KAZN: variants seen among roughly 807,000 people sequenced by gnomAD.
KAZN encodes the protein kazrin.
Under a neutral mutation model 87.4 loss-of-function variants are expected in KAZN, and 40 were observed. That is an observed-to-expected ratio of 0.46 (90% CI 0.36 to 0.60). The LOEUF (loss-of-function observed/expected upper bound fraction) is 0.60, where lower values mean the gene tolerates loss of function less well. KAZN is among the 20% of genes least tolerant of loss of function. KAZN has a pLI of 0.00. For synonymous variants in KAZN, 466 were observed against 458.3 expected (o/e 1.02, Z -0.22); for missense variants, 898 against 1,073.9 (o/e 0.84, Z 2.29).
chr1:14,242,576 G>T (rs1186977095), intron 2 of KAZN, among the ~76,000 whole-genome samples: 1 of 152,194 alleles, frequency 6.6e-6, no homozygotes, highest in East Asian at 1.9e-4. Context: ...TATTTGGGTG[G>T]GGGGATAAGG....
intron 1 of KAZN, among the ~76,000 whole-genome samples, chr1:14,785,550 C>A (rs912992686): frequency 6.6e-6 from 1 of 152,138 alleles, no homozygotes; most frequent in African/African-American, 2.4e-5. Flanking sequence ...CCCCAGTGAC[C>A]TTCCTGCTCC....
At chr1:14,014,800 C>T (rs1640486937) in intron 1 of KAZN, among the ~76,000 whole-genome samples, 1 of 152,108 alleles carries the variant, frequency 6.6e-6, no homozygotes, top group Non-Finnish European at 1.5e-5. Context: ...AATAATAAGC[C>T]CCTGCACAAC....
chr1:14,493,424 T>A (rs1217676967), intron 2 of KAZN, among the ~76,000 whole-genome samples: 1 of 152,086 alleles, frequency 6.6e-6, no homozygotes, highest in East Asian at 1.9e-4. Flanking sequence ...GCTGCTCAGG[T>A]CCCATCCATT....
intron 8 of KAZN, among the ~76,000 whole-genome samples, chr1:15,089,831 T>C (rs1400739511): frequency 6.7e-6 from 1 of 148,712 alleles, no homozygotes; most frequent in African/African-American, 2.5e-5. Context: ...AGAGTTGGCA[T>C]CAGTTCATTG....
intron 4 of KAZN, among the ~76,000 whole-genome samples, chr1:15,054,273 A>G (rs531923506): frequency 1.3e-5 from 2 of 152,154 alleles, no homozygotes; most frequent in Admixed American, 6.5e-5. Flanking sequence ...TACCCCGGAA[A>G]CGTCCATGTT....
At chr1:14,895,553 C>G (rs1655174478) in intron 1 of KAZN, among the ~76,000 whole-genome samples, 1 of 152,188 alleles carries the variant, frequency 6.6e-6, no homozygotes, top group African/African-American at 2.4e-5. Flanking sequence ...CCAAGAAGAG[C>G]CAGGCCATGA....
intron 2 of KAZN, among the ~76,000 whole-genome samples, chr1:14,312,012 C>T (rs1655339364): frequency 1.3e-5 from 2 of 152,242 alleles, no homozygotes; most frequent in East Asian, 1.9e-4. Context: ...TGGATGCCTT[C>T]TGCTGGAGAA....
chr1:14,196,409 G>A (rs940841658), intron 2 of KAZN, among the ~76,000 whole-genome samples: 1 of 152,134 alleles, frequency 6.6e-6, no homozygotes, highest in Non-Finnish European at 1.5e-5. Flanking sequence ...AATGTTACTT[G>A]GACCATTACC....
At chr1:14,540,844 C>T (rs1254790617) in intron 2 of KAZN, among the ~76,000 whole-genome samples, 3 of 152,178 alleles carry the variant, frequency 2.0e-5, no homozygotes, top group Non-Finnish European at 1.5e-5. Context: ...TTCTGGGTCA[C>T]CATGTATTTA....
rs569387019 is a variant in KAZN, at chr1:15,096,398, A to C, written c.1547+1465A>C. 6.6e-6 allele frequency among the ~76,000 whole-genome samples: 1 copy of C among 152,320 alleles called. No individual in the cohort carries two copies. Among genetic ancestry groups the C allele is most frequent in the South Asian group, 2.1e-4 (1 of 4,830 alleles). On this transcript the variant is annotated intron_variant, in intron 10 of 14. Coordinates refer to ENST00000376030, the MANE Select transcript of KAZN (RefSeq NM_201628.3). The surrounding 1 kb of genome is among the most constrained non-coding windows in gnomAD (Gnocchi z 4.5). Reference sequence around the variant, plus strand: ...TAAAAGCCACTTTGATTTTGAAGAGAAGAAATGCATGGGGGGAGGACGTCC... The same window carrying C: ...TAAAAGCCACTTTGATTTTGAAGAGCAGAAATGCATGGGGGGAGGACGTCC...
At chr1:14,364,640 G>A (rs1255613707) in intron 2 of KAZN, among the ~76,000 whole-genome samples, 1 of 152,132 alleles carries the variant, frequency 6.6e-6, no homozygotes, top group Non-Finnish European at 1.5e-5. Flanking sequence ...TTTATTTCCT[G>A]GGGCTGCTAT....
At chr1:13,908,779 G>T (rs970524052) in intron 1 of KAZN, among the ~76,000 whole-genome samples, 1 of 152,198 alleles carries the variant, frequency 6.6e-6, no homozygotes, top group African/African-American at 2.4e-5. Context: ...GCCCGAGCTA[G>T]GATGCTGAGC....
chr1:13,931,689 G>A (rs906513196), intron 1 of KAZN, among the ~76,000 whole-genome samples: 3 of 152,148 alleles, frequency 2.0e-5, no homozygotes, highest in Non-Finnish European at 4.4e-5. Context: ...TCATGTGTGT[G>A]TGTGTATTTG....
chr1:14,610,824 C>A (rs1055616701), intron 1 of KAZN, among the ~76,000 whole-genome samples: 1 of 152,150 alleles, frequency 6.6e-6, no homozygotes, highest in Non-Finnish European at 1.5e-5. Context: ...TGCCTGATTT[C>A]TCTCTCTTTT....
rs543858772 is a variant in KAZN at position 14,592,792 on chromosome 1, C to A, written c.250-6191C>A. ...CCAGGGTCAAGAAGTTCATCACTCA[C>A]TGGCTTCCCTTTCAGCCTTCCCCCT... is the stretch of plus-strand genomic sequence containing the variant. On this transcript the variant is annotated intron_variant, in intron 2 of 16. Transcript: ENST00000636203. 2.0e-5 allele frequency among the ~76,000 whole-genome samples: 3 copies of A among 152,244 alleles called. No homozygotes were observed. In the South Asian group the frequency reaches 6.2e-4, roughly 31 times the overall value.
intron 2 of KAZN, among the ~76,000 whole-genome samples, chr1:14,310,576 C>T (rs1221916943): frequency 6.6e-6 from 1 of 152,130 alleles, no homozygotes; most frequent in African/African-American, 2.4e-5. Context: ...GGTGGGCCGA[C>T]GTATGTACCA....
chr1:14,087,517 C>T (rs1414783452), intron 1 of KAZN, among the ~76,000 whole-genome samples: 1 of 152,080 alleles, frequency 6.6e-6, no homozygotes. Context: ...AGGCAGTGAA[C>T]ATCTTCACCT....
chr1:14,210,270 G>T (rs1269786726), intron 2 of KAZN, among the ~76,000 whole-genome samples: 1 of 152,292 alleles, frequency 6.6e-6, no homozygotes, highest in Non-Finnish European at 1.5e-5. Context: ...TGCACATGCT[G>T]TCTTGCCTGC....
intron 2 of KAZN, among the ~76,000 whole-genome samples, chr1:14,455,667 CT>C (rs752113844): frequency 5.2e-4 from 79 of 152,232 alleles, no homozygotes; most frequent in Non-Finnish European, 7.6e-4. Flanking sequence ...GTGACAGCCT[CT>C]GCCTCCAACC....
Sources: gnomAD v4.1 joint callset for allele counts (sites outside exome capture counted in the v4.1 genomes callset) on GRCh38, gnomAD v4.1.1 for gene constraint, Gnocchi (gnomAD v3.1) non-coding constraint, MANE v1.5 for transcripts, NCBI Gene and HGNC (gene_info 2026-07-23, HGNC 2026-07-21) for gene names.